Variants in MBTD1 observed in about 807,000 individuals in gnomAD.
MBTD1 encodes MBT domain-containing protein 1.
MBTD1 carries 24 observed loss-of-function variants against 87.8 expected under a neutral mutation model. That is an observed-to-expected ratio of 0.27 (90% CI 0.20 to 0.38). MBTD1 has a LOEUF of 0.38. Ranked by LOEUF, MBTD1 falls within the 10% of genes least tolerant of loss-of-function variation. The probability of loss-of-function intolerance (pLI) is 1.00; values close to 1 mark genes in which losing one functional copy is unlikely to be tolerated. For missense variants in MBTD1, 436 were observed against 760.2 expected, an observed-to-expected ratio of 0.57 and a Z score of 5.02; for synonymous variants, 237 against 248.6, an observed-to-expected ratio of 0.95 and a Z score of 0.44.
intron 12 of MBTD1, among the ~76,000 whole-genome samples, chr17:51,201,050 G>A (rs995241023): frequency 3.3e-5 from 5 of 151,936 alleles, no homozygotes; most frequent in Admixed American, 2.6e-4. Context: ...CCACTCTGAA[G>A]GCTGAAGTGG....
intron 2 of MBTD1, among the ~76,000 whole-genome samples, chr17:51,244,856 A>G (rs2054341402): frequency 6.6e-6 from 1 of 152,102 alleles, no homozygotes; most frequent in East Asian, 1.9e-4. Context: ...CTTATTAGCA[A>G]AGAACTGGTA....
chr17:51,255,977 A>T (rs1046172140), intron 2 of MBTD1, among the ~76,000 whole-genome samples: 3 of 152,220 alleles, frequency 2.0e-5, no homozygotes, highest in African/African-American at 7.2e-5. Context: ...ATTAGACTTA[A>T]CATTCCTGTC....
intron 2 of MBTD1, chr17:51,251,635 A>C (rs1241669894): frequency 6.6e-6 from 1 of 152,216 alleles, no homozygotes; most frequent in Non-Finnish European, 1.5e-5. Context: ...AGGAATGATC[A>C]TAAGGAGCAG....
chr17:51,187,712 T>C (rs949997902), intron 16 of MBTD1, among the ~76,000 whole-genome samples: 2 of 151,926 alleles, frequency 1.3e-5, no homozygotes, highest in African/African-American at 4.8e-5. Flanking sequence ...TAGCCGTAAG[T>C]AGTGGTGCAC....
In MBTD1 at chr17:51,179,518, A is replaced by ATATATATATT. The variant is rs2050226654; in HGVS notation, c.*1057_*1058insAATATATATA. 1 of 100,628 alleles carries ATATATATATT rather than the reference A, an allele frequency of 9.9e-6. No individual in the cohort carries two copies. Among genetic ancestry groups the ATATATATATT allele is most frequent in the African/African-American group, 3.6e-5 (1 of 28,142 alleles). The allele number at this position is 100,628 out of a possible 1,614,324, so 6.2% of individuals were successfully genotyped here. On this transcript the variant is annotated 3_prime_UTR_variant, in exon 17 of 17. Transcript: ENST00000586178. ...TATATATATATATATATATATATAT[A>ATATATATATT]TATATATATATATATATATGGAATT...
chr17:51,223,755 G>A (rs2053050211), intron 3 of MBTD1, among the ~76,000 whole-genome samples: 1 of 152,172 alleles, frequency 6.6e-6, no homozygotes. Flanking sequence ...AGAATTGCTT[G>A]AACCCGGGAG....
chr17:51,230,924 C>T (rs1013953436), intron 2 of MBTD1, among the ~76,000 whole-genome samples: 1 of 151,692 alleles, frequency 6.6e-6, no homozygotes, highest in African/African-American at 2.4e-5. Context: ...CATTTGGAGG[C>T]GACCTTCTAT....
At chr17:51,184,153 T>G (rs562724915) in intron 16 of MBTD1, 3 of 152,260 alleles carry the variant, frequency 2.0e-5, no homozygotes, top group Non-Finnish European at 1.5e-5. Context: ...AATGTTTTAA[T>G]GTAAAGTTTC....
chr17:51,196,169 C>T (rs956170647), intron 12 of MBTD1, among the ~76,000 whole-genome samples: 2 of 151,712 alleles, frequency 1.3e-5, no homozygotes, highest in African/African-American at 4.8e-5. Context: ...GCCGTGGCCT[C>T]CCAAAGTGTT....
At chr17:51,243,760 C>G (rs995510778) in intron 2 of MBTD1, among the ~76,000 whole-genome samples, 1 of 152,134 alleles carries the variant, frequency 6.6e-6, no homozygotes, top group East Asian at 1.9e-4. Flanking sequence ...CTCCTGGTGT[C>G]AAGCGATCCT....
intron 2 of MBTD1, chr17:51,250,889 C>T (rs2054740153): frequency 6.6e-6 from 1 of 152,208 alleles, no homozygotes; most frequent in African/African-American, 2.4e-5. Context: ...TCCTGTTTTC[C>T]TGCTTTTCTT....
At chr17:51,244,935 C>T (rs1201466340) in intron 2 of MBTD1, among the ~76,000 whole-genome samples, 2 of 151,722 alleles carry the variant, frequency 1.3e-5, no homozygotes, top group African/African-American at 4.8e-5. Flanking sequence ...AGTTCTCAGT[C>T]TGTCGCCCAG....
At chr17:51,194,132 G>T (rs1383371672) in intron 13 of MBTD1, among the ~76,000 whole-genome samples, 1 of 152,274 alleles carries the variant, frequency 6.6e-6, no homozygotes, top group African/African-American at 2.4e-5. Flanking sequence ...TTCTTGCAAG[G>T]AAAGAAAACT....
chr17:51,201,433 G>A (rs372966114), intron 12 of MBTD1, among the ~76,000 whole-genome samples, 159 bp downstream of exon 12: 1 of 152,082 alleles, frequency 6.6e-6, no homozygotes, highest in Non-Finnish European at 1.5e-5. Flanking sequence ...TAAGATCAGA[G>A]GATTCAAATT....
At chr17:51,242,870 T>C (rs572992914) in intron 2 of MBTD1, among the ~76,000 whole-genome samples, 92 of 152,338 alleles carry the variant, frequency 6.0e-4, no homozygotes, top group African/African-American at 2.1e-3. Flanking sequence ...CCTGTGTTTT[T>C]GTTTAGAAAT....
chr17:51,185,026 G>A (rs1236626470), intron 16 of MBTD1: 1 of 152,052 alleles, frequency 6.6e-6, no homozygotes, highest in African/African-American at 2.4e-5. Flanking sequence ...ACATTATGAG[G>A]GAGGCAAAAG....
chr17:51,213,481 T>C (rs991871146), intron 6 of MBTD1, among the ~76,000 whole-genome samples: 1 of 152,128 alleles, frequency 6.6e-6, no homozygotes, highest in African/African-American at 2.4e-5. Context: ...ATTACTATTT[T>C]GGAGATTTTT....
intron 3 of MBTD1, among the ~76,000 whole-genome samples, chr17:51,220,751 A>G (rs2052841080): frequency 6.6e-6 from 1 of 152,206 alleles, no homozygotes; most frequent in Non-Finnish European, 1.5e-5. Context: ...GATTCAACCA[A>G]CATTTCCTTA....
chr17:51,187,431 C>T (rs1311783101), intron 16 of MBTD1, among the ~76,000 whole-genome samples: 1 of 150,764 alleles, frequency 6.6e-6, no homozygotes, highest in Non-Finnish European at 1.5e-5. Context: ...TATCACCCTT[C>T]AGCTATAGTT....
Sources: gnomAD v4.1 joint callset for allele counts (sites outside exome capture counted in the v4.1 genomes callset) on GRCh38, gnomAD v4.1.1 for gene constraint, MANE v1.5 for transcripts, NCBI Gene and HGNC (gene_info 2026-07-23, HGNC 2026-07-21) for gene names.